OSTF1: variants seen among roughly 807,000 people sequenced by gnomAD.
The protein encoded by OSTF1 is osteoclast-stimulating factor 1.
OSTF1 carries 27 observed loss-of-function variants against 37.2 expected under a neutral mutation model. The observed-to-expected ratio is 0.73, with a 90% CI of 0.54 to 1.00. OSTF1 has a LOEUF of 1.00. Ranked by LOEUF, OSTF1 falls within the 50% of genes least tolerant of loss-of-function variation. The probability of loss-of-function intolerance (pLI) is 0.00; values close to 1 mark genes in which losing one functional copy is unlikely to be tolerated. For synonymous variants in OSTF1, 82 were observed against 89.2 expected (o/e 0.92, Z 0.46); for missense variants, 232 against 253.8 (o/e 0.91, Z 0.58).
intron 9 of OSTF1, among the ~76,000 whole-genome samples, chr9:75,146,136 C>T (rs1826020246): frequency 6.6e-6 from 1 of 152,216 alleles, no homozygotes; most frequent in African/African-American, 2.4e-5. Context: ...CTTTTGAGTC[C>T]TGTTCAAGTT....
intron 8 of OSTF1, among the ~76,000 whole-genome samples, chr9:75,140,185 G>A (rs1198547236): frequency 6.6e-6 from 1 of 152,182 alleles, no homozygotes; most frequent in Non-Finnish European, 1.5e-5. Context: ...TGCAAATAAG[G>A]GAGATAAGAA....
intron 1 of OSTF1, among the ~76,000 whole-genome samples, chr9:75,113,834 G>A (rs1169318477): frequency 2.0e-5 from 3 of 152,120 alleles, no homozygotes; most frequent in Non-Finnish European, 4.4e-5. Flanking sequence ...GCATTTTCAA[G>A]TACATAATAC....
At chr9:75,099,303 G>T (rs896409503) in intron 1 of OSTF1, among the ~76,000 whole-genome samples, 3 of 150,228 alleles carry the variant, frequency 2.0e-5, no homozygotes, top group Non-Finnish European at 1.5e-5. Flanking sequence ...TTGTTCTGTC[G>T]CCCAGGCTGG....
At chr9:75,123,278 C>T (rs971729520) in intron 2 of OSTF1, among the ~76,000 whole-genome samples, 10 of 152,136 alleles carry the variant, frequency 6.6e-5, no homozygotes, top group Admixed American at 3.9e-4. Flanking sequence ...AAAAATCAGC[C>T]GGGCGAGGTG....
chr9:75,095,893 C>T (rs1825073851), intron 1 of OSTF1, among the ~76,000 whole-genome samples: 1 of 150,522 alleles, frequency 6.6e-6, no homozygotes, highest in African/African-American at 2.4e-5. Flanking sequence ...TGCTGTGGCC[C>T]CCCTTTTTTT....
chr9:75,135,172 C>A (rs1587473144), intron 7 of OSTF1, among the ~76,000 whole-genome samples: 1 of 152,114 alleles, frequency 6.6e-6, no homozygotes, highest in Non-Finnish European at 1.5e-5. Context: ...AAGTAGATTC[C>A]TGAGAAAGAG....
intron 1 of OSTF1, among the ~76,000 whole-genome samples, chr9:75,096,904 T>C (rs1360770165): frequency 2.6e-5 from 4 of 152,154 alleles, no homozygotes; most frequent in Non-Finnish European, 1.5e-5. Flanking sequence ...ACCAAACTCT[T>C]ATGCTTATGT....
intron 1 of OSTF1, among the ~76,000 whole-genome samples, chr9:75,113,086 A>G (rs1825420620): frequency 2.6e-5 from 4 of 152,078 alleles, no homozygotes; most frequent in Admixed American, 2.0e-4. Flanking sequence ...CTCCTAGTAG[A>G]GCAGGAGAGA....
intron 2 of OSTF1, among the ~76,000 whole-genome samples, chr9:75,121,637 G>A (rs766332993): frequency 5.1e-4 from 77 of 152,112 alleles, no homozygotes; most frequent in Non-Finnish European, 7.5e-4. Flanking sequence ...CATACCCATT[G>A]TTAAATTTTG....
chr9:75,134,233 C>T (rs769034547), intron 6 of OSTF1, 113 bp from the exon 7 acceptor site: 7 of 502,674 alleles, frequency 1.4e-5, no homozygotes, highest in Non-Finnish European at 2.5e-5. Context: ...AATGTGTTAA[C>T]ATTTTCTTGA....
intron 1 of OSTF1, among the ~76,000 whole-genome samples, chr9:75,113,917 T>G (rs567465350): frequency 6.6e-6 from 1 of 152,310 alleles, no homozygotes; most frequent in South Asian, 2.1e-4. Context: ...AACAGAAATT[T>G]GTGTTCTTTA....
At chr9:75,139,054 C>CTTTCTTTCT (rs1465270702) in intron 8 of OSTF1, among the ~76,000 whole-genome samples, 1 of 109,512 alleles carries the variant, frequency 9.1e-6, no homozygotes, top group Non-Finnish European at 2.0e-5. Context: ...TTCTTTCTTT[C>CTTTCTTTCT]TTTTTTTTTT....
chr9:75,092,779 A>T (rs10869500), intron 1 of OSTF1, among the ~76,000 whole-genome samples: 54,090 of 151,856 alleles, frequency 0.36, 10,074 homozygotes, highest in East Asian at 0.52. Flanking sequence ...CCGTTTGAAA[A>T]GTCTTGCTGT....
intron 1 of OSTF1, among the ~76,000 whole-genome samples, chr9:75,089,658 G>A (rs1173846580): frequency 2.6e-5 from 4 of 152,296 alleles, no homozygotes; most frequent in South Asian, 2.1e-4. Context: ...GGGAAATACA[G>A]GAAATGGAAG....
At chr9:75,145,989 A>G (rs997863355) in intron 9 of OSTF1, among the ~76,000 whole-genome samples, 2 of 152,194 alleles carry the variant, frequency 1.3e-5, no homozygotes, top group Non-Finnish European at 2.9e-5. Context: ...GTGCTGTGAC[A>G]TATATTTATT....
At position 75,147,110 on chromosome 9, in the gene OSTF1, G is replaced by A. The variant is rs1192973873; in HGVS notation, c.*369G>A. 1 of 153,828 alleles carries A rather than the reference G, an allele frequency of 6.5e-6. No homozygotes were observed. Among genetic ancestry groups the A allele is most frequent in the Non-Finnish European group, 1.4e-5 (1 of 70,578 alleles). 9.5% of individuals were successfully genotyped at this position (153,828 alleles called of 1,614,324 possible). A position where few individuals can be genotyped will look rare whatever the true frequency, so the allele number is the denominator to read the frequency against. On this transcript the variant is annotated 3_prime_UTR_variant, in exon 10 of 10. Transcript: ENST00000346234. ...ATATTTTGAATGGATTTTTCAAGGG[G>A]GGGAAATGCTTATTATAATAATAAA...
chr9:75,110,960 T>C (rs1825376446), intron 1 of OSTF1, among the ~76,000 whole-genome samples: 1 of 152,102 alleles, frequency 6.6e-6, no homozygotes. Flanking sequence ...GCTCAAGCAG[T>C]CCTCCACTTT....
intron 2 of OSTF1, 130 bp from the exon 3 acceptor site, chr9:75,127,439 A>G (rs1377807386): frequency 8.1e-6 from 4 of 494,416 alleles, no homozygotes; most frequent in African/African-American, 6.0e-5. Flanking sequence ...GTTTTATTAT[A>G]TGGCTTATGT....
At position 75,128,404 on chromosome 9, in the gene OSTF1, A is replaced by T. The variant is rs1358247714; in HGVS notation, c.132+785A>T. On this transcript the variant is annotated intron_variant, in intron 3 of 9. Coordinates refer to ENST00000346234, the MANE Select transcript of OSTF1 (RefSeq NM_012383.5). Reference sequence around the variant, plus strand: ...TATATATATATATATATATATATATATATTTTGTCCATATATATATATATT... The same window carrying T: ...TATATATATATATATATATATATATTTATTTTGTCCATATATATATATATT... Among the ~76,000 whole-genome samples, 181 of 74,856 alleles carry T rather than the reference A, an allele frequency of 2.4e-3. 8 individuals are homozygous for T. The highest frequency in any genetic ancestry group is 7.2e-3 in the Middle Eastern group (1 of 138). 49.1% of individuals were successfully genotyped at this position (74,856 alleles called of 152,430 possible). A position where few individuals can be genotyped will look rare whatever the true frequency, so the allele number is the denominator to read the frequency against.
Sources: allele counts gnomAD v4.1 joint callset (sites outside exome capture counted in the v4.1 genomes callset), GRCh38; gene constraint gnomAD v4.1.1; transcripts MANE v1.5; gene names NCBI Gene and HGNC (gene_info 2026-07-23, HGNC 2026-07-21).